The following CLASP1 variants were observed in gnomAD, a reference collection of about 807,000 sequenced individuals.
CLASP1 encodes CLIP-associating protein 1.
CLASP1 carries 38 observed loss-of-function variants against 192.3 expected under a neutral mutation model. That is an observed-to-expected ratio of 0.20 (90% CI 0.15 to 0.26). CLASP1 has a LOEUF of 0.26. CLASP1 is among the 10% of genes least tolerant of loss of function. The pLI is 1.00. For missense variants in CLASP1, 1,433 were observed against 1,932.5 expected (o/e 0.74, Z 4.85); for synonymous variants, 691 against 712.8 (o/e 0.97, Z 0.49).
At chr2:121,383,109 T>C (rs2072153085) in intron 32 of CLASP1, among the ~76,000 whole-genome samples, 1 of 152,244 alleles carries the variant, frequency 6.6e-6, no homozygotes, top group East Asian at 1.9e-4. Flanking sequence ...CTAACAACTG[T>C]TGCAATTCAA....
intron 8 of CLASP1, among the ~76,000 whole-genome samples, chr2:121,473,737 A>G (rs2091171023): frequency 6.6e-6 from 1 of 152,240 alleles, no homozygotes; most frequent in South Asian, 2.1e-4. Context: ...TAGCACACAG[A>G]AGAACAAGCA....
intron 6 of CLASP1, among the ~76,000 whole-genome samples, chr2:121,517,195 A>G (rs559844820): frequency 2.0e-5 from 3 of 152,368 alleles, no homozygotes; most frequent in African/African-American, 7.2e-5. Context: ...CTGCAAATAA[A>G]AAGGTAGGAA....
chr2:121,444,793 C>G, intron 19 of CLASP1: 1 of 437,072 alleles, frequency 2.3e-6, no homozygotes, highest in Non-Finnish European at 4.4e-6. Flanking sequence ...CCAATGGCGA[C>G]AGAATGAAAA....
chr2:121,523,445 G>T (rs2094501865), intron 6 of CLASP1, among the ~76,000 whole-genome samples: 1 of 152,138 alleles, frequency 6.6e-6, no homozygotes, highest in African/African-American at 2.4e-5. Context: ...AACAGACTAG[G>T]CCCTTCCTGT....
At chr2:121,366,716 T>C (rs574256930) in intron 35 of CLASP1, among the ~76,000 whole-genome samples, 4 of 152,352 alleles carry the variant, frequency 2.6e-5, no homozygotes, top group Non-Finnish European at 4.4e-5. Context: ...TAGGTTCTAA[T>C]TACTCATTCA....
intron 29 of CLASP1, 87 bp from the exon 31 acceptor site, chr2:121,397,370 C>G: frequency 8.7e-7 from 1 of 1,151,456 alleles, no homozygotes; most frequent in Non-Finnish European, 1.3e-6. Flanking sequence ...AAAAGTAAAC[C>G]CTGGTGAGGG....
At chr2:121,544,869 C>T (rs2095299611) in intron 2 of CLASP1, among the ~76,000 whole-genome samples, 1 of 151,528 alleles carries the variant, frequency 6.6e-6, no homozygotes, top group South Asian at 2.1e-4. Flanking sequence ...GATGGCAGGG[C>T]ACCTAATTTT....
chr2:121,587,172 C>A (rs982839487), intron 2 of CLASP1, among the ~76,000 whole-genome samples: 3 of 151,932 alleles, frequency 2.0e-5, no homozygotes, highest in Non-Finnish European at 4.4e-5. Flanking sequence ...ACCTGGAAGG[C>A]GGAGGTTGCA....
chr2:121,502,046 T>A (rs777078134), intron 8 of CLASP1, among the ~76,000 whole-genome samples: 2 of 152,220 alleles, frequency 1.3e-5, no homozygotes, highest in Non-Finnish European at 2.9e-5. Context: ...TTTTCCTTCA[T>A]ACAGGAGTAA....
intron 37 of CLASP1, among the ~76,000 whole-genome samples, chr2:121,348,935 A>T (rs1439987317): frequency 1.3e-5 from 2 of 152,144 alleles, no homozygotes; most frequent in Non-Finnish European, 2.9e-5. Context: ...GGATTCTAGG[A>T]AAAACCTTAG....
intron 9 of CLASP1, among the ~76,000 whole-genome samples, chr2:121,466,093 T>TA (rs2089516768): frequency 6.6e-6 from 1 of 152,218 alleles, no homozygotes; most frequent in Non-Finnish European, 1.5e-5. Context: ...GTGCAACGGA[T>TA]AATTACCCAA....
At chr2:121,456,974 G>A (rs1026173331) in intron 14 of CLASP1, among the ~76,000 whole-genome samples, 1 of 152,160 alleles carries the variant, frequency 6.6e-6, no homozygotes, top group East Asian at 1.9e-4. Flanking sequence ...GTACATTTAC[G>A]ACTTGCTGGA....
intron 19 of CLASP1, among the ~76,000 whole-genome samples, chr2:121,433,844 G>A (rs1217937684): frequency 6.6e-6 from 1 of 152,118 alleles, no homozygotes; most frequent in Non-Finnish European, 1.5e-5. Flanking sequence ...AGGTACTCTG[G>A]TCATACTAGC....
intron 2 of CLASP1, chr2:121,531,076 G>T (rs868048818): frequency 8.7e-6 from 6 of 686,530 alleles, no homozygotes; most frequent in Admixed American, 6.1e-5. Context: ...AGTACTTTGT[G>T]GTTAAACCAG....
chr2:121,433,394 T>C (rs911924885), intron 19 of CLASP1, among the ~76,000 whole-genome samples: 4 of 151,934 alleles, frequency 2.6e-5, no homozygotes, highest in African/African-American at 7.3e-5. Flanking sequence ...AATGTTTGAA[T>C]TTTTTGATGT....
intron 1 of CLASP1, among the ~76,000 whole-genome samples, chr2:121,630,575 G>A (rs1017585858): frequency 1.2e-4 from 18 of 152,130 alleles, no homozygotes; most frequent in Non-Finnish European, 2.5e-4. Context: ...AACAAGAAAT[G>A]AGAAGAGGCC....
chr2:121,479,204 G>GAA (rs372766591), intron 8 of CLASP1, among the ~76,000 whole-genome samples: 2 of 138,578 alleles, frequency 1.4e-5, no homozygotes, highest in African/African-American at 5.3e-5. Context: ...ACCAGAAAAA[G>GAA]AAAAAAAAAA....
intron 23 of CLASP1, among the ~76,000 whole-genome samples, chr2:121,416,092 C>T (rs1309044536): frequency 6.6e-6 from 1 of 152,138 alleles, no homozygotes; most frequent in East Asian, 1.9e-4. Flanking sequence ...ATAGTTCAGA[C>T]TGAAATAGTT....
chr2:121,445,425 A>C, intron 19 of CLASP1: 1 of 1,284,372 alleles, frequency 7.8e-7, no homozygotes, highest in Non-Finnish European at 1.0e-6. Flanking sequence ...CACGTCCAGC[A>C]GCAAAAGCTG....
Sources: allele counts gnomAD v4.1 joint callset (sites outside exome capture counted in the v4.1 genomes callset), GRCh38; gene constraint gnomAD v4.1.1; transcripts MANE v1.5; gene names NCBI Gene and HGNC (gene_info 2026-07-23, HGNC 2026-07-21).